The following GALNT14 variants were observed in gnomAD, a reference collection of about 807,000 sequenced individuals.
GALNT14 encodes polypeptide N-acetylgalactosaminyltransferase 14, also known as UDP-GalNAc:polypeptide N-acetylgalactosaminyltransferase 14.
In GALNT14, 60 loss-of-function variants were observed where a neutral mutation model predicts 77.5. The observed-to-expected ratio is 0.77, with a 90% CI of 0.63 to 0.96. GALNT14 has a LOEUF of 0.96. Ranked by LOEUF, GALNT14 falls within the 40% of genes least tolerant of loss-of-function variation. GALNT14 has a pLI of 0.00. For synonymous variants in GALNT14, 280 were observed against 281.7 expected (o/e 0.99, Z 0.06); for missense variants, 710 against 731.0 (o/e 0.97, Z 0.33).
chr2:30,956,386 A>T (rs1667370519), intron 4 of GALNT14, among the ~76,000 whole-genome samples: 1 of 152,206 alleles, frequency 6.6e-6, no homozygotes, highest in Admixed American at 6.5e-5. Flanking sequence ...GTAGATATAT[A>T]TATTTATGGG....
intron 1 of GALNT14, among the ~76,000 whole-genome samples, chr2:31,058,351 G>C (rs1455050121): frequency 6.6e-6 from 1 of 152,120 alleles, no homozygotes; most frequent in African/African-American, 2.4e-5. Context: ...CAAGCGGAGA[G>C]CAGGGTGCCT....
chr2:31,015,061 G>A (rs1205063229), intron 1 of GALNT14, among the ~76,000 whole-genome samples: 2 of 152,010 alleles, frequency 1.3e-5, no homozygotes, highest in African/African-American at 4.8e-5. Flanking sequence ...AGGCTGAGGT[G>A]GGTGGATCAC....
intron 1 of GALNT14, among the ~76,000 whole-genome samples, chr2:31,010,067 C>A (rs1670921526): frequency 6.6e-6 from 1 of 152,224 alleles, no homozygotes; most frequent in Non-Finnish European, 1.5e-5. Flanking sequence ...CTCATTGCAA[C>A]CTCCGCCTCC....
intron 8 of GALNT14, among the ~76,000 whole-genome samples, chr2:30,942,678 T>C (rs1338683340): frequency 6.6e-6 from 1 of 152,184 alleles, no homozygotes; most frequent in Non-Finnish European, 1.5e-5. Context: ...CAGGGCTCTC[T>C]TGGGAGCTCT....
At chr2:30,903,809 A>G in the GALNT14 span, among the ~76,000 whole-genome samples, 2 of 152,214 alleles carry the variant, frequency 1.3e-5, no homozygotes, top group Non-Finnish European at 2.9e-5. Context: ...TAACAAAGCC[A>G]ATTACCAAAG....
chr2:30,974,641 T>C (rs999464833), intron 2 of GALNT14, among the ~76,000 whole-genome samples: 1 of 152,224 alleles, frequency 6.6e-6, no homozygotes, highest in Non-Finnish European at 1.5e-5. Flanking sequence ...CCTCTTCTAA[T>C]CTTGGCTTGG....
chr2:31,050,433 G>A (rs556148486), intron 1 of GALNT14, among the ~76,000 whole-genome samples: 2 of 152,278 alleles, frequency 1.3e-5, no homozygotes, highest in South Asian at 4.1e-4. Context: ...GTAGATGGGG[G>A]AGGAGTGGAG....
intron 1 of GALNT14, among the ~76,000 whole-genome samples, chr2:31,075,445 A>G (rs1048340178): frequency 2.0e-5 from 3 of 152,172 alleles, no homozygotes; most frequent in African/African-American, 7.2e-5. Flanking sequence ...AGGTTTGTTG[A>G]TTGATCTGGA....
At chr2:31,079,220 G>A (rs963097229) in intron 1 of GALNT14, among the ~76,000 whole-genome samples, 9 of 152,294 alleles carry the variant, frequency 5.9e-5, no homozygotes, top group Admixed American at 2.0e-4. Context: ...CTCCTATTAG[G>A]AAGCCATGCT....
At chr2:30,935,486 C>T (rs926971623) in intron 9 of GALNT14, among the ~76,000 whole-genome samples, 45 of 152,262 alleles carry the variant, frequency 3.0e-4, no homozygotes, top group African/African-American at 9.9e-4. Flanking sequence ...AACCTGCAGC[C>T]GAGATGAGTT....
intron 1 of GALNT14, among the ~76,000 whole-genome samples, chr2:31,044,604 T>C (rs1673311820): frequency 6.6e-6 from 1 of 152,124 alleles, no homozygotes; most frequent in Non-Finnish European, 1.5e-5. Context: ...CAAGTGCTTT[T>C]GGATAGACAG....
At chr2:30,966,421 C>T (rs1415854193) in intron 2 of GALNT14, 119 bp from the exon 3 acceptor site, 1 of 695,122 alleles carries the variant, frequency 1.4e-6, no homozygotes, top group Non-Finnish European at 2.6e-6. Flanking sequence ...TCTAGAAGGG[C>T]TTCCCCAGCT....
intron 1 of GALNT14, among the ~76,000 whole-genome samples, chr2:31,035,569 A>ATGTGTGTGTG: frequency 7.8e-6 from 1 of 128,250 alleles, no homozygotes; most frequent in Admixed American, 7.4e-5. Flanking sequence ...GTGTGTGTGT[A>ATGTGTGTGTG]TGTGTGTGTG....
At chr2:31,114,690 A>G (rs995309465) in intron 1 of GALNT14, 3 of 700,732 alleles carry the variant, frequency 4.3e-6, no homozygotes, top group Non-Finnish European at 7.9e-6. Context: ...AAGGGGAAAA[A>G]GGAACAAATA....
chr2:31,055,874 G>C (rs1311032875), intron 1 of GALNT14, among the ~76,000 whole-genome samples: 3 of 152,234 alleles, frequency 2.0e-5, no homozygotes, highest in African/African-American at 7.2e-5. Flanking sequence ...TAGTTATGCT[G>C]AACAGGAGCA....
Position 30,929,477 on chromosome 2 carries a change from G to A in GALNT14, c.1069C>T (p.Arg357Trp), listed in dbSNP as rs757806947. ...NANTYIKNTKRTAEVWMDEYK... is the reference protein window; with the variant it reads ...NANTYIKNTKWTAEVWMDEYK... Reference sequence around the variant, plus strand: ...TCATCCATCCACACTTCAGCTGTCCGCTTGGTGTTCCTGGGAAAACAAGGA... The same window carrying A: ...TCATCCATCCACACTTCAGCTGTCCACTTGGTGTTCCTGGGAAAACAAGGA... Residue 357 changes from arginine to tryptophan, a missense_variant, in exon 11 of 15, where the codon CGG becomes TGG. By Grantham distance (101) the Arg-to-Trp change is moderately radical (BLOSUM62 -3). Transcript: ENST00000349752. The A allele has an allele frequency of 2.4e-5, 39 of 1,613,610 alleles. No homozygotes were observed. The highest frequency in any genetic ancestry group is 3.1e-5 in the Non-Finnish European group (36 of 1,179,728).
At chr2:30,970,513 G>A (rs551910083) in intron 2 of GALNT14, among the ~76,000 whole-genome samples, 2 of 152,222 alleles carry the variant, frequency 1.3e-5, no homozygotes, top group African/African-American at 4.8e-5. Flanking sequence ...TGGGTGAGCC[G>A]GCCCGCACGC....
At chr2:30,909,932 A>C (rs200419285), downstream of GALNT14, among the ~76,000 whole-genome samples, 4 of 151,146 alleles carry the variant, frequency 2.6e-5, no homozygotes, top group East Asian at 5.9e-4. Context: ...AAATTGGAAA[A>C]CATCATTCTC....
intron 1 of GALNT14, among the ~76,000 whole-genome samples, chr2:31,068,465 C>T (rs542147352): frequency 8.9e-5 from 13 of 146,356 alleles, no homozygotes; most frequent in Admixed American, 4.2e-4. Flanking sequence ...CCAGAGATCA[C>T]GCCACTCTAC....
Sources: gnomAD v4.1 joint callset for allele counts (sites outside exome capture counted in the v4.1 genomes callset) on GRCh38, gnomAD v4.1.1 for gene constraint, MANE v1.5 for transcripts, NCBI Gene and HGNC (gene_info 2026-07-23, HGNC 2026-07-21) for gene names.